The following PRUNE2 variants were observed in gnomAD, a reference collection of about 807,000 sequenced individuals.
PRUNE2 encodes prune homolog 2 with BCH domain.
PRUNE2 carries 164 observed loss-of-function variants against 252.0 expected under a neutral mutation model. That is an observed-to-expected ratio of 0.65 (90% CI 0.57 to 0.74). The LOEUF (loss-of-function observed/expected upper bound fraction) is 0.74. Among genes scored for constraint, PRUNE2 ranks in the 30% least tolerant of loss-of-function variants. The probability of loss-of-function intolerance (pLI) is 0.00; values close to 1 mark genes in which losing one functional copy is unlikely to be tolerated. For missense variants in PRUNE2, 3,495 were observed against 3,711.0 expected (o/e 0.94, Z 1.51); for synonymous variants, 1,292 against 1,350.2 (o/e 0.96, Z 0.94).
chr9:76,696,158 T>C (rs1412091950), intron 9 of PRUNE2, among the ~76,000 whole-genome samples: 2 of 152,180 alleles, frequency 1.3e-5, no homozygotes, highest in Non-Finnish European at 2.9e-5. Context: ...AGCTTGGACT[T>C]CTACAAAGGG....
chr9:76,774,458 T>TTTATTTATTTATTTATTTTTA (rs2053499577), intron 6 of PRUNE2, among the ~76,000 whole-genome samples: 1 of 33,294 alleles, frequency 3.0e-5, no homozygotes, highest in East Asian at 1.8e-3. Flanking sequence ...CCCTTTTTTT[T>TTTATTTATTTATTTATTTTTA]TTTTTTTTTT....
intron 6 of PRUNE2, among the ~76,000 whole-genome samples, chr9:76,817,270 A>C (rs1375211782): frequency 6.6e-6 from 1 of 152,172 alleles, no homozygotes; most frequent in Non-Finnish European, 1.5e-5. Context: ...AGCAGTATAC[A>C]CAGGGCTAGA....
intron 6 of PRUNE2, among the ~76,000 whole-genome samples, chr9:76,762,699 G>A (rs1460658111): frequency 1.3e-5 from 2 of 152,142 alleles, no homozygotes; most frequent in East Asian, 1.9e-4. Context: ...GTATGGAGGC[G>A]GAGGTCCCTA....
At chr9:76,900,474 G>A (rs1016429979) in intron 1 of PRUNE2, among the ~76,000 whole-genome samples, 1 of 152,156 alleles carries the variant, frequency 6.6e-6, no homozygotes, top group African/African-American at 2.4e-5. Context: ...TTGGGACAAC[G>A]CTAGAGATTT....
intron 6 of PRUNE2, among the ~76,000 whole-genome samples, chr9:76,762,758 G>A (rs1162094772): frequency 2.0e-5 from 3 of 152,290 alleles, no homozygotes; most frequent in East Asian, 3.9e-4. Context: ...CCTTCGCCAT[G>A]AGCATGGCTG....
At chr9:76,675,664 CCA>C (rs1376838698) in intron 9 of PRUNE2, among the ~76,000 whole-genome samples, 2 of 116,246 alleles carry the variant, frequency 1.7e-5, no homozygotes, top group Non-Finnish European at 3.7e-5. Context: ...TGGAACCAAC[CCA>C]AATGTCCAAC....
At chr9:76,627,739 G>C in intron 16 of PRUNE2, 1 of 202,796 alleles carries the variant, frequency 4.9e-6, no homozygotes, top group South Asian at 6.0e-5. Flanking sequence ...GAATTTTAGT[G>C]CCAGGCTGAC....
chr9:76,873,991 A>G (rs2061355013), intron 1 of PRUNE2, among the ~76,000 whole-genome samples: 1 of 152,212 alleles, frequency 6.6e-6, no homozygotes, highest in African/African-American at 2.4e-5. Flanking sequence ...TATGGAACAA[A>G]ACAGGGCAAC....
chr9:76,899,027 G>T (rs147046945), intron 1 of PRUNE2, among the ~76,000 whole-genome samples: 1 of 152,298 alleles, frequency 6.6e-6, no homozygotes, highest in Non-Finnish European at 1.5e-5. Flanking sequence ...AGGAAGTCTG[G>T]AATGCCTAAT....
intron 6 of PRUNE2, among the ~76,000 whole-genome samples, chr9:76,805,104 G>C (rs575784690): frequency 5.3e-5 from 8 of 152,272 alleles, no homozygotes; most frequent in African/African-American, 1.7e-4. Context: ...TGACATCTTC[G>C]AAGGTTTCTG....
At chr9:76,862,594 C>T (rs780849471) in intron 1 of PRUNE2, 5 of 152,020 alleles carry the variant, frequency 3.3e-5, no homozygotes, top group Non-Finnish European at 7.4e-5. Context: ...AGTTTTAAAG[C>T]CCAAATGAGA....
At chr9:76,858,801 A>C (rs73653232) in intron 1 of PRUNE2, among the ~76,000 whole-genome samples, 1 of 151,880 alleles carries the variant, frequency 6.6e-6, no homozygotes, top group Non-Finnish European at 1.5e-5. Context: ...GTGGCATTTG[A>C]GTAAAGGTCT....
chr9:76,779,993 G>A (rs911394245), intron 6 of PRUNE2: 1 of 152,148 alleles, frequency 6.6e-6, no homozygotes, highest in Non-Finnish European at 1.5e-5. Context: ...GAAGATTCTC[G>A]TAACTAGTAA....
intron 18 of PRUNE2, among the ~76,000 whole-genome samples, chr9:76,615,713 T>C (rs1446295588): frequency 1.3e-5 from 2 of 151,996 alleles, no homozygotes; most frequent in African/African-American, 4.8e-5. Context: ...ATGTCTGTTA[T>C]TATTAGCAGC....
intron 6 of PRUNE2, among the ~76,000 whole-genome samples, chr9:76,722,027 GT>G (rs947462724): frequency 6.6e-6 from 1 of 151,976 alleles, no homozygotes; most frequent in African/African-American, 2.4e-5. Flanking sequence ...TATTTTCCAT[GT>G]TTTTTCCAGA....
chr9:76,807,051 T>TGTGTGTGCGCGCGC (rs60768420), intron 6 of PRUNE2, among the ~76,000 whole-genome samples: 19 of 139,452 alleles, frequency 1.4e-4, no homozygotes, highest in African/African-American at 3.0e-4. Context: ...TGTGTGTGTG[T>TGTGTGTGCGCGCGC]GCGCGCGCGC....
At position 76,851,846 on chromosome 9, in the gene PRUNE2, T is replaced by C. The variant is rs899883067; in HGVS notation, c.142-1181A>G. On this transcript the variant is annotated intron_variant, in intron 2 of 18. Transcript: ENST00000376718. ...AGGTAGAGAATTGTAGTCACAATAATAAACTTGTTTTTGTACGGGAATGTT... is the reference window on the plus strand; with the variant it reads ...AGGTAGAGAATTGTAGTCACAATAACAAACTTGTTTTTGTACGGGAATGTT... 4.6e-5 allele frequency among the ~76,000 whole-genome samples: 7 copies of C among 152,166 alleles called. 1 individual carries two copies. The highest frequency in any genetic ancestry group is 1.0e-4 in the Non-Finnish European group (7 of 68,022).
In PRUNE2 at chr9:76,707,999, C is replaced by T; in HGVS notation, c.4275G>A (p.Gln1425=). 6.2e-7 allele frequency: 1 copy of T among 1,613,988 alleles called. No homozygotes were observed. Among genetic ancestry groups the T allele is most frequent in the Non-Finnish European group, 8.5e-7 (1 of 1,179,870 alleles). ...VQTGMSADNL[Q]PKDTHEKHLM... ...GGTGTTTTTCATGGGTATCTTTTGG[C>T]TGCAGGTTATCTGCGGACATCCCTG... is the stretch of plus-strand genomic sequence containing the variant. The change falls in exon 8 of 19, where the codon CAG becomes CAA. Residue 1425 remains glutamine, a synonymous_variant. Coordinates refer to ENST00000376718, the MANE Select transcript of PRUNE2 (RefSeq NM_015225.3).
At chr9:76,624,949 T>C (rs1834029631) in intron 16 of PRUNE2, 1 of 946,840 alleles carries the variant, frequency 1.1e-6, no homozygotes, top group Admixed American at 2.3e-5. Flanking sequence ...GGTAGCTTGT[T>C]GAGGTCACCC....
Sources: allele counts gnomAD v4.1 joint callset (sites outside exome capture counted in the v4.1 genomes callset), GRCh38; gene constraint gnomAD v4.1.1; transcripts MANE v1.5; gene names NCBI Gene and HGNC (gene_info 2026-07-23, HGNC 2026-07-21).